The following DLGAP2 variants were observed in gnomAD, a reference collection of about 807,000 sequenced individuals.
The protein encoded by DLGAP2 is disks large-associated protein 2.
In DLGAP2, 26 loss-of-function variants were observed where a neutral mutation model predicts 100.3. That is an observed-to-expected ratio of 0.26 (90% CI 0.19 to 0.36). The LOEUF (loss-of-function observed/expected upper bound fraction) is 0.36. DLGAP2 is among the 10% of genes least tolerant of loss of function. The probability of loss-of-function intolerance (pLI) is 1.00; values close to 1 mark genes in which losing one functional copy is unlikely to be tolerated. For missense variants in DLGAP2, 1,858 were observed against 1,453.2 expected, an observed-to-expected ratio of 1.28 and a Z score of -4.53; for synonymous variants, 886 against 630.1, an observed-to-expected ratio of 1.41 and a Z score of -6.08.
intron 2 of DLGAP2, among the ~76,000 whole-genome samples, chr8:1,254,986 G>GTCTGTGCTCTCTCCTGCCCGGCCGC (rs1799148804): frequency 7.7e-6 from 1 of 129,538 alleles, no homozygotes; most frequent in African/African-American, 3.2e-5. Flanking sequence ...CGGGTGCTGT[G>GTCTGTGCTCTCTCCTGCCCGGCCGC]TGTGTGTCCT....
At chr8:1,158,297 A>C (rs1313923846) in intron 2 of DLGAP2, among the ~76,000 whole-genome samples, 1 of 152,264 alleles carries the variant, frequency 6.6e-6, no homozygotes, top group Admixed American at 6.5e-5. Context: ...AGGAAGCAGC[A>C]GACGTCATTA....
chr8:911,797 T>C (rs1366740775), intron 2 of DLGAP2, among the ~76,000 whole-genome samples: 4 of 152,052 alleles, frequency 2.6e-5, no homozygotes, highest in East Asian at 1.9e-4. Flanking sequence ...GTGTATAATG[T>C]ATGTTGGAAG....
intron 5 of DLGAP2, among the ~76,000 whole-genome samples, chr8:1,562,598 C>T (rs1422997269): frequency 6.5e-5 from 3 of 45,950 alleles, no homozygotes; most frequent in East Asian, 7.2e-4. Context: ...GTTGGGTGTC[C>T]GCGCCTCGTT....
intron 3 of DLGAP2, among the ~76,000 whole-genome samples, chr8:1,335,334 A>G (rs10503163): frequency 0.41 from 62,180 of 152,048 alleles, 14,824 homozygotes; most frequent in African/African-American, 0.66. Context: ...TGGACAACGA[A>G]TTTAGAAAAT....
chr8:1,062,147 G>A (rs989542143), intron 2 of DLGAP2, among the ~76,000 whole-genome samples: 1 of 152,058 alleles, frequency 6.6e-6, no homozygotes, highest in African/African-American at 2.4e-5. Flanking sequence ...GGCTAACTCT[G>A]TTACAAGGAA....
chr8:768,334 A>G (rs1821266853), intron 1 of DLGAP2, among the ~76,000 whole-genome samples: 1 of 151,806 alleles, frequency 6.6e-6, no homozygotes, highest in South Asian at 2.1e-4. Context: ...ACTCAGACAA[A>G]TTACTCAAAT....
intron 2 of DLGAP2, among the ~76,000 whole-genome samples, chr8:1,202,111 A>G (rs1331533157): frequency 2.6e-5 from 4 of 151,510 alleles, no homozygotes; most frequent in African/African-American, 9.7e-5. Flanking sequence ...TGTGTACAGC[A>G]TCTGTGTATC....
intron 3 of DLGAP2, among the ~76,000 whole-genome samples, chr8:1,501,023 G>GATTA (rs1799704323): frequency 2.0e-5 from 3 of 152,050 alleles, no homozygotes; most frequent in Admixed American, 1.3e-4. Flanking sequence ...AAATTAGAGT[G>GATTA]GACTGATTTT....
intron 3 of DLGAP2, among the ~76,000 whole-genome samples, chr8:1,267,602 AT>A (rs1247535612): frequency 2.6e-5 from 2 of 78,228 alleles, no homozygotes; most frequent in African/African-American, 6.4e-5. Context: ...ATAAGATAAG[AT>A]AAGATAAGAT....
At chr8:1,143,910 C>T (rs1796562988) in intron 2 of DLGAP2, among the ~76,000 whole-genome samples, 1 of 152,206 alleles carries the variant, frequency 6.6e-6, no homozygotes, top group Non-Finnish European at 1.5e-5. Context: ...AGCAACATAA[C>T]AGAGGACTAG....
intron 4 of DLGAP2, among the ~76,000 whole-genome samples, chr8:1,502,474 T>C (rs4876072): frequency 0.67 from 102,346 of 152,054 alleles, 35,485 homozygotes; most frequent in Middle Eastern, 0.78. Context: ...TGGAAATGGG[T>C]AGAGTTCTAA....
intron 10 of DLGAP2, among the ~76,000 whole-genome samples, chr8:1,671,402 A>G (rs1798686342): frequency 6.6e-6 from 1 of 152,218 alleles, no homozygotes; most frequent in Admixed American, 6.5e-5. Context: ...TAGCAGGAGA[A>G]TCTGTGTTCT....
chr8:1,421,990 G>A (rs1179947681), intron 3 of DLGAP2, among the ~76,000 whole-genome samples: 3 of 152,106 alleles, frequency 2.0e-5, no homozygotes, highest in Admixed American at 6.5e-5. Context: ...AGAAAAAAGA[G>A]AAAAAGTGGC....
chr8:1,447,695 G>A (rs1238209963), intron 3 of DLGAP2, among the ~76,000 whole-genome samples: 6 of 152,152 alleles, frequency 3.9e-5, no homozygotes, highest in South Asian at 2.1e-4. Flanking sequence ...GGTAGAATTC[G>A]GCTGTGAATC....
At chr8:1,304,161 G>A (rs1300843772) in intron 3 of DLGAP2, among the ~76,000 whole-genome samples, 2 of 152,234 alleles carry the variant, frequency 1.3e-5, no homozygotes, top group Non-Finnish European at 2.9e-5. Context: ...ATGTTCCATG[G>A]GAGCAGGCCA....
chr8:884,907 G>T (rs1797891924), intron 1 of DLGAP2, among the ~76,000 whole-genome samples: 1 of 152,240 alleles, frequency 6.6e-6, no homozygotes, highest in South Asian at 2.1e-4. Context: ...TCCATTACTT[G>T]TTTTTGTCAG....
chr8:1,644,138 C>A (rs984431306), intron 8 of DLGAP2, among the ~76,000 whole-genome samples: 5 of 151,384 alleles, frequency 3.3e-5, no homozygotes, highest in Admixed American at 6.6e-5. Flanking sequence ...TGTCACCCCT[C>A]GGGGCTGAAA....
At chr8:1,126,933 C>G (rs1398417551) in intron 2 of DLGAP2, among the ~76,000 whole-genome samples, 1 of 151,652 alleles carries the variant, frequency 6.6e-6, no homozygotes, top group African/African-American at 2.4e-5. Flanking sequence ...TTGTGCCGGC[C>G]TTATGAGGGA....
chr8:1,317,330 GCGTCTCTC>G (rs1800780784), intron 3 of DLGAP2, among the ~76,000 whole-genome samples: 2 of 131,336 alleles, frequency 1.5e-5, no homozygotes, highest in Admixed American at 1.6e-4. Context: ...TGCGAGTGCA[GCGTCTCTC>G]CAACAGTGGT....
Sources: allele counts gnomAD v4.1 joint callset (sites outside exome capture counted in the v4.1 genomes callset), GRCh38; gene constraint gnomAD v4.1.1; transcripts MANE v1.5; gene names NCBI Gene and HGNC (gene_info 2026-07-23, HGNC 2026-07-21).